IRAK2: variants seen among roughly 807,000 people sequenced by gnomAD.
IRAK2 encodes interleukin 1 receptor associated kinase 2.
IRAK2 carries 57 observed loss-of-function variants against 72.0 expected under a neutral mutation model. That is an observed-to-expected ratio of 0.79 (90% CI 0.64 to 0.99). IRAK2 has a LOEUF of 0.99. IRAK2 is among the 50% of genes least tolerant of loss of function. IRAK2 has a pLI of 0.00. For synonymous variants in IRAK2, 293 were observed against 312.7 expected (o/e 0.94, Z 0.67); for missense variants, 790 against 794.4 (o/e 0.99, Z 0.07).
At chr3:10,207,010 T>G (rs563554743) in intron 3 of IRAK2, among the ~76,000 whole-genome samples, 1 of 152,268 alleles carries the variant, frequency 6.6e-6, no homozygotes, top group Admixed American at 6.5e-5. Context: ...CTCGCCATCA[T>G]GCCAGGCTAA....
intron 8 of IRAK2, among the ~76,000 whole-genome samples, chr3:10,222,322 C>T (rs564287270): frequency 1.3e-5 from 2 of 152,300 alleles, no homozygotes; most frequent in South Asian, 4.1e-4. Context: ...ACTGAGTCTG[C>T]ACAGCCTGTA....
At chr3:10,225,778 A>C (rs1247198408) in intron 9 of IRAK2, among the ~76,000 whole-genome samples, 1 of 150,960 alleles carries the variant, frequency 6.6e-6, no homozygotes, top group African/African-American at 2.4e-5. Context: ...AGTTCACTGC[A>C]AGATCCACCT....
rs747773279 is a variant in IRAK2 at position 10,222,828 on chromosome 3, A to C, written c.1206A>C (p.Gly402=). The C allele has an allele frequency of 8.1e-6, 13 of 1,613,886 alleles. No individual in the cohort carries two copies. The East Asian group carries it at 2.9e-4, about 36-fold the overall frequency. ...AGCGAGTGGACATCTTCAGCTGTGG[A>C]ATAGTAAGAGTGTCCTGCTCTGCGT... is the stretch of plus-strand genomic sequence containing the variant. ...LTKRVDIFSC[G]IVLAEVLTGI... is the part of the protein sequence containing the mutation. The change falls in exon 9 of 13, where the codon GGA becomes GGC. Residue 402 remains glycine (G), a synonymous_variant. Coordinates refer to ENST00000256458, the MANE Select transcript of IRAK2 (RefSeq NM_001570.4).
chr3:10,197,831 G>T (rs1374188768), intron 2 of IRAK2, among the ~76,000 whole-genome samples: 1 of 148,634 alleles, frequency 6.7e-6, no homozygotes, highest in African/African-American at 2.5e-5. Flanking sequence ...TAGCCTGGGC[G>T]ACAGAGTGAG....
At chr3:10,182,383 T>C (rs1276876577) in intron 2 of IRAK2, among the ~76,000 whole-genome samples, 1 of 151,342 alleles carries the variant, frequency 6.6e-6, no homozygotes, top group Non-Finnish European at 1.5e-5. Flanking sequence ...CCCAGGTTCA[T>C]GCCATTCTCC....
intron 1 of IRAK2, among the ~76,000 whole-genome samples, chr3:10,175,827 T>A (rs1194681019): frequency 6.8e-6 from 1 of 147,238 alleles, no homozygotes; most frequent in East Asian, 2.0e-4. Context: ...GAGGCGGAGC[T>A]TGCAGTGAGC....
intron 10 of IRAK2, among the ~76,000 whole-genome samples, chr3:10,229,095 G>A (rs1388265785): frequency 1.3e-5 from 2 of 151,986 alleles, no homozygotes; most frequent in Non-Finnish European, 2.9e-5. Flanking sequence ...CACCACACCC[G>A]GCTAATTTTT....
rs74387172 is a variant in IRAK2, at chr3:10,193,739, T to C, written c.278-6630T>C. ...CCTTCCGTCACCTGCGTCCCCTTCC[T>C]ATCCCTGGGGGTCCCAGCAGGGAGA... On this transcript the variant is annotated intron_variant, in intron 2 of 12. Transcript: ENST00000256458. Among the ~76,000 whole-genome samples, 724 of 152,370 alleles carry C rather than the reference T, an allele frequency of 4.8e-3. 26 individuals carry two copies. In the South Asian group the frequency reaches 0.083, roughly 18 times the overall value.
chr3:10,242,699 T>G lies in IRAK2; in HGVS notation c.*471T>G, dbSNP rs1021358016. 2.6e-5 allele frequency: 4 copies of G among 152,262 alleles called. No homozygotes were observed. The highest frequency in any genetic ancestry group is 9.6e-5 in the African/African-American group (4 of 41,460). The allele number at this position is 152,262 out of a possible 1,614,324, so 9.4% of individuals were successfully genotyped here. On this transcript the variant is annotated 3_prime_UTR_variant, in exon 13 of 13. Transcript: ENST00000256458. ...CTTGCATGCTCTGAAAGATTTTTTT[T>G]AGTTTTTAATTTTTTTGTAGAGATG...
At chr3:10,178,110 T>C in intron 2 of IRAK2, 90 bp downstream of exon 2, 2 of 1,036,928 alleles carry the variant, frequency 1.9e-6, no homozygotes, top group Non-Finnish European at 2.8e-6. Context: ...GCCTTAATAC[T>C]TTTTTCCTCT....
At chr3:10,237,668 G>A (rs1304576465) in intron 11 of IRAK2, among the ~76,000 whole-genome samples, 4 of 151,796 alleles carry the variant, frequency 2.6e-5, no homozygotes, top group Admixed American at 1.3e-4. Context: ...TTAGCCAGGC[G>A]CGGTGGCGGG....
At position 10,240,779 on chromosome 3, in the gene IRAK2, G is replaced by A. The variant is rs1698046084; in HGVS notation, c.1766-1337G>A. ...TCTCCATGTTGGTCAGGCTGGTCTT[G>A]AACTCCCAACCTCAGGTGATCCGCC... On this transcript the variant is annotated intron_variant, in intron 12 of 12. Coordinates refer to ENST00000256458, the MANE Select transcript of IRAK2 (RefSeq NM_001570.4). Among the ~76,000 whole-genome samples, 5 of 151,186 alleles carry A rather than the reference G, an allele frequency of 3.3e-5. No individual in the cohort carries two copies. The South Asian group carries it at 1.0e-3, about 32-fold the overall frequency.
At chr3:10,236,846 A>G (rs1697967525) in intron 11 of IRAK2, among the ~76,000 whole-genome samples, 1 of 152,244 alleles carries the variant, frequency 6.6e-6, no homozygotes, top group Non-Finnish European at 1.5e-5. Context: ...AATAAGATAG[A>G]TGTTTATTCT....
intron 2 of IRAK2, among the ~76,000 whole-genome samples, chr3:10,183,931 A>G (rs892323299): frequency 6.6e-6 from 1 of 152,132 alleles, no homozygotes; most frequent in Non-Finnish European, 1.5e-5. Flanking sequence ...TGGCTGAGAA[A>G]AGACAGGCGT....
intron 9 of IRAK2, among the ~76,000 whole-genome samples, chr3:10,225,933 A>T (rs1292641909): frequency 6.6e-6 from 1 of 152,054 alleles, no homozygotes; most frequent in Admixed American, 6.6e-5. Flanking sequence ...TCTCCTGACC[A>T]CGTGATCCGC....
chr3:10,214,346 C>G (rs1377761014), intron 6 of IRAK2, among the ~76,000 whole-genome samples: 3 of 150,884 alleles, frequency 2.0e-5, no homozygotes, highest in Non-Finnish European at 2.9e-5. Flanking sequence ...CCACCTCAGC[C>G]TCTGAGAAGC....
intron 2 of IRAK2, among the ~76,000 whole-genome samples, chr3:10,200,112 T>C (rs1697332775): frequency 6.6e-6 from 1 of 152,048 alleles, no homozygotes; most frequent in Non-Finnish European, 1.5e-5. Flanking sequence ...GGTCTCGAAC[T>C]CCTGACCTCA....
At chr3:10,223,095 G>T (rs1425047159) in intron 9 of IRAK2, among the ~76,000 whole-genome samples, 1 of 152,148 alleles carries the variant, frequency 6.6e-6, no homozygotes, top group Non-Finnish European at 1.5e-5. Context: ...CTCCCCAAAA[G>T]CTCACATATT....
At chr3:10,200,960 A>G (rs1230215690) in intron 3 of IRAK2, among the ~76,000 whole-genome samples, 1 of 152,262 alleles carries the variant, frequency 6.6e-6, no homozygotes. Context: ...TCAGACAGTC[A>G]CAACAAAGTA....
Sources: allele counts gnomAD v4.1 joint callset (sites outside exome capture counted in the v4.1 genomes callset), GRCh38; gene constraint gnomAD v4.1.1; transcripts MANE v1.5; gene names NCBI Gene and HGNC (gene_info 2026-07-23, HGNC 2026-07-21).